The following STARD8 variants were observed in gnomAD, a reference collection of about 807,000 sequenced individuals.
STARD8 encodes stAR-related lipid transfer protein 8.
STARD8 carries 25 observed loss-of-function variants against 69.4 expected under a neutral mutation model. That is an observed-to-expected ratio of 0.36 (90% CI 0.26 to 0.50). The LOEUF is 0.50. Ranked by LOEUF, STARD8 falls within the 20% of genes least tolerant of loss-of-function variation. STARD8 has a pLI of 0.96. For missense variants in STARD8, 921 were observed against 932.5 expected (o/e 0.99, Z 0.16); for synonymous variants, 389 against 374.6 (o/e 1.04, Z -0.45).
intron 2 of STARD8, among the ~76,000 whole-genome samples, chrX:68,705,917 G>A (rs1016597449): frequency 8.9e-6 from 1 of 112,670 alleles, no homozygotes; most frequent in Non-Finnish European, 1.9e-5. Flanking sequence ...GTGCAGTGTT[G>A]AGAGAGGGAT....
intron 2 of STARD8, among the ~76,000 whole-genome samples, chrX:68,699,304 A>G (rs969948919): frequency 1.8e-5 from 2 of 112,388 alleles, no homozygotes; most frequent in Non-Finnish European, 3.8e-5. Context: ...CACTAGGTCC[A>G]ACTTTCCTTC....
intron 1 of STARD8, among the ~76,000 whole-genome samples, chrX:68,655,371 G>A (rs918465741): frequency 5.4e-5 from 6 of 112,081 alleles, no homozygotes; most frequent in Admixed American, 9.4e-5. Flanking sequence ...GTAAAACCAC[G>A]TAGAGGGGGA....
intron 2 of STARD8, among the ~76,000 whole-genome samples, chrX:68,692,082 CT>C (rs760849036): frequency 4.5e-5 from 5 of 111,761 alleles, no homozygotes; most frequent in African/African-American, 1.6e-4. Flanking sequence ...GGCAAGATGC[CT>C]TTGGCTTCAA....
At position 68,721,853 on chromosome X, in the gene STARD8, C is replaced by A; in HGVS notation, c.2459+107C>A. The A allele has an allele frequency of 8.9e-6, 8 of 894,108 alleles. No individual in the cohort carries two copies. The South Asian group carries it at 2.0e-4, about 22-fold the overall frequency. The allele number at this position is 894,108 out of a possible 1,213,427, so 73.7% of individuals were successfully genotyped here. ...GCACTGCTGTGTCTCAGCCTCACCA[C>A]AAGGAGTGAGCCTGACTCCTCAGGG... On this transcript the variant is annotated intron_variant, in intron 10 of 14. Coordinates refer to ENST00000374599, the MANE Select transcript of STARD8 (RefSeq NM_001142503.3).
chrX:68,666,348 G>A (rs2079683219), intron 2 of STARD8, among the ~76,000 whole-genome samples: 1 of 112,069 alleles, frequency 8.9e-6, no homozygotes, highest in Admixed American at 9.5e-5. Context: ...TTTTCATCAG[G>A]ATGAGCTCAT....
intron 1 of STARD8, among the ~76,000 whole-genome samples, chrX:68,654,365 C>T (rs1348641546): frequency 9.0e-6 from 1 of 111,500 alleles, no homozygotes; most frequent in Non-Finnish European, 1.9e-5. Flanking sequence ...CATACATGCA[C>T]GTATGTGTTA....
At chrX:68,672,588 G>A (rs1324406178) in intron 2 of STARD8, among the ~76,000 whole-genome samples, 1 of 111,955 alleles carries the variant, frequency 8.9e-6, no homozygotes, top group Non-Finnish European at 1.9e-5. Flanking sequence ...GTCTGCCTGG[G>A]GAGAAGGCAG....
chrX:68,693,854 G>A, intron 2 of STARD8: 2 of 751,875 alleles, frequency 2.7e-6, no homozygotes, highest in Non-Finnish European at 3.1e-6. Context: ...GGCAGGGGGA[G>A]ATCCAGACAA....
chrX:68,658,162 A>G (rs1199156139), intron 1 of STARD8, among the ~76,000 whole-genome samples: 2 of 112,005 alleles, frequency 1.8e-5, no homozygotes, highest in Non-Finnish European at 3.8e-5. Flanking sequence ...ATACTAGCTA[A>G]TATTTGTAGA....
At chrX:68,694,174 G>A (rs761536817) in intron 2 of STARD8, among the ~76,000 whole-genome samples, 11 of 112,904 alleles carry the variant, frequency 9.7e-5, no homozygotes, top group African/African-American at 3.2e-4. Context: ...CAGCTGGCCG[G>A]GGGCGGCAGA....
At chrX:68,720,536 A>C (rs770401146) in intron 8 of STARD8, 113 bp downstream of exon 8, 1 of 939,596 alleles carries the variant, frequency 1.1e-6, no homozygotes, top group Admixed American at 4.2e-5. Context: ...CTTCCCCCTC[A>C]CTTGGGCTGG....
At chrX:68,713,097 T>C in intron 3 of STARD8, 112 bp downstream of exon 3, 1 of 787,828 alleles carries the variant, frequency 1.3e-6, no homozygotes. Context: ...CAGTGTCTCC[T>C]GGCCCTGCTC....
chrX:68,683,849 C>T (rs1414060901), intron 2 of STARD8, among the ~76,000 whole-genome samples: 1 of 111,683 alleles, frequency 9.0e-6, no homozygotes, highest in African/African-American at 3.3e-5. Flanking sequence ...CAAGGGGGTC[C>T]AATCATTCTC....
intron 1 of STARD8, among the ~76,000 whole-genome samples, chrX:68,653,333 CCA>C (rs2079583276): frequency 2.9e-5 from 1 of 33,961 alleles, no homozygotes; most frequent in African/African-American, 1.1e-4. Flanking sequence ...CACACACACC[CCA>C]CACACCACAC....
intron 12 of STARD8, among the ~76,000 whole-genome samples, chrX:68,723,321 A>C (rs1251877270): frequency 8.9e-6 from 1 of 112,837 alleles, no homozygotes; most frequent in Non-Finnish European, 1.9e-5. Flanking sequence ...GCTCCTTGAC[A>C]ATCACCATCT....
intron 2 of STARD8, among the ~76,000 whole-genome samples, chrX:68,712,561 G>A (rs2080059090): frequency 8.9e-6 from 1 of 112,593 alleles, no homozygotes; most frequent in African/African-American, 3.2e-5. Flanking sequence ...AAAGGCTCGG[G>A]GGTGGACACA....
At chrX:68,720,211 G>T in intron 7 of STARD8, 53 bp from the exon 8 acceptor site, 1 of 1,122,271 alleles carries the variant, frequency 8.9e-7, no homozygotes, top group Non-Finnish European at 1.2e-6. Flanking sequence ...ACTGCAGGCA[G>T]AGTCTCCAAA....
chrX:68,676,356 C>T lies in STARD8; in HGVS notation c.79+10824C>T, dbSNP rs765597454. Among the ~76,000 whole-genome samples the T allele has an allele frequency of 2.7e-5, 3 of 112,109 alleles. No individual in the cohort carries two copies. The Admixed American group carries it at 2.8e-4, about 11-fold the overall frequency. The stretch of plus-strand genomic sequence containing the variant: ...CAGGTGTTTCCCAAGCCCTGGGATC[C>T]GGCTCAGGTACCTCACAAGATAAAA... On this transcript the variant is annotated intron_variant, in intron 2 of 14. Coordinates refer to ENST00000374599, the MANE Select transcript of STARD8 (RefSeq NM_001142503.3).
chrX:68,720,289 A>AACAAG lies in STARD8; in HGVS notation c.1918_1922dup (p.Pro642ArgfsTer45). The AACAAG allele has an allele frequency of 8.3e-7, 1 of 1,205,354 alleles. No homozygotes were observed. The highest frequency in any genetic ancestry group is 1.1e-6 in the Non-Finnish European group (1 of 892,041). On this transcript the variant is annotated frameshift_variant, in exon 8 of 15. Transcript: ENST00000374599. LOFTEE classifies it high-confidence loss of function. ...GTCAATGCCCAAGTTCATGAGGAGG[A>AACAAG]ACAAGACCCCAGATTACCGGGGACA...
Sources: allele counts gnomAD v4.1 joint callset (sites outside exome capture counted in the v4.1 genomes callset), GRCh38; gene constraint gnomAD v4.1.1; transcripts MANE v1.5; gene names NCBI Gene and HGNC (gene_info 2026-07-23, HGNC 2026-07-21).